Variants in FAM227B observed in about 807,000 individuals in gnomAD.
FAM227B encodes the protein family with sequence similarity 227 member B, also known as protein FAM227B.
FAM227B carries 88 observed loss-of-function variants against 73.8 expected under a neutral mutation model. The observed-to-expected ratio is 1.19, with a 90% CI of 1.00 to 1.42. The LOEUF (loss-of-function observed/expected upper bound fraction) is 1.42, where lower values mean the gene tolerates loss of function less well. FAM227B is among the 40% of genes most tolerant of loss of function. The pLI is 0.00. For synonymous variants in FAM227B, 210 were observed against 190.5 expected (o/e 1.10, Z -0.84); for missense variants, 632 against 590.9 (o/e 1.07, Z -0.72).
chr15:49,508,373 G>C (rs2058731331), intron 10 of FAM227B, 25 bp from the exon 11 acceptor site: 2 of 1,525,506 alleles, frequency 1.3e-6, no homozygotes, highest in Non-Finnish European at 1.8e-6. Flanking sequence ...TACATATTTA[G>C]CCAAATAAAT....
intron 14 of FAM227B, 109 bp downstream of exon 14, chr15:49,335,310 A>T (rs2039516088): frequency 1.5e-6 from 1 of 684,378 alleles, no homozygotes; most frequent in Non-Finnish European, 2.5e-6. Flanking sequence ...AGATGCTCAG[A>T]CATGACTCTC....
At chr15:49,462,164 G>A (rs576481457) in intron 11 of FAM227B, among the ~76,000 whole-genome samples, 2 of 152,268 alleles carry the variant, frequency 1.3e-5, no homozygotes, top group South Asian at 4.1e-4. Context: ...ATGGTGAAAG[G>A]AGAAATGTGT....
At chr15:49,534,409 T>C (rs1232084322) in intron 10 of FAM227B, among the ~76,000 whole-genome samples, 1 of 151,856 alleles carries the variant, frequency 6.6e-6, no homozygotes, top group Non-Finnish European at 1.5e-5. Flanking sequence ...AATGGATCAA[T>C]TTATCAAGAG....
At chr15:49,552,511 T>A (rs1451282882) in intron 9 of FAM227B, among the ~76,000 whole-genome samples, 1 of 152,202 alleles carries the variant, frequency 6.6e-6, no homozygotes, top group Non-Finnish European at 1.5e-5. Flanking sequence ...TACTTGGATA[T>A]TGGTATTTTT....
intron 10 of FAM227B, among the ~76,000 whole-genome samples, chr15:49,525,703 T>TATAG (rs1169214821): frequency 1.4e-4 from 17 of 121,990 alleles, no homozygotes; most frequent in Admixed American, 2.5e-4. Flanking sequence ...TATATATATA[T>TATAG]ATATATATAT....
intron 3 of FAM227B, among the ~76,000 whole-genome samples, chr15:49,601,335 C>T (rs1256632036): frequency 6.6e-6 from 1 of 151,738 alleles, no homozygotes; most frequent in East Asian, 1.9e-4. Flanking sequence ...CATAAAACAT[C>T]TTACAGTTAT....
At chr15:49,365,895 A>T (rs779331245) in intron 13 of FAM227B, 138 of 958,646 alleles carry the variant, frequency 1.4e-4, no homozygotes, top group Non-Finnish European at 2.2e-4. Context: ...GTGCAGCAAG[A>T]GAGTTGTACA....
intron 13 of FAM227B, among the ~76,000 whole-genome samples, chr15:49,336,369 G>A (rs952543579): frequency 6.6e-6 from 1 of 152,162 alleles, no homozygotes; most frequent in Non-Finnish European, 1.5e-5. Flanking sequence ...TCCCTTTGAA[G>A]TGGCAATTGG....
chr15:49,547,959 C>T (rs2072194139), intron 9 of FAM227B, among the ~76,000 whole-genome samples: 1 of 152,022 alleles, frequency 6.6e-6, no homozygotes, highest in Non-Finnish European at 1.5e-5. Context: ...TAAATTATGC[C>T]CTAGAACAAA....
intron 11 of FAM227B, among the ~76,000 whole-genome samples, chr15:49,496,522 T>G (rs1431693666): frequency 6.6e-6 from 1 of 152,212 alleles, no homozygotes; most frequent in Non-Finnish European, 1.5e-5. Context: ...AGCTGGCTTA[T>G]AAATCATGAG....
intron 10 of FAM227B, among the ~76,000 whole-genome samples, chr15:49,530,311 T>C (rs1173612498): frequency 4.0e-5 from 6 of 151,724 alleles, no homozygotes; most frequent in Non-Finnish European, 8.9e-5. Flanking sequence ...TTTCAAAGCA[T>C]ACTTCACAGC....
intron 9 of FAM227B, among the ~76,000 whole-genome samples, chr15:49,562,226 C>A (rs772703214): frequency 2.0e-5 from 3 of 152,008 alleles, no homozygotes; most frequent in African/African-American, 4.8e-5. Context: ...AACAACACTA[C>A]ACACACAAGT....
intron 13 of FAM227B, among the ~76,000 whole-genome samples, chr15:49,352,705 T>G (rs1228668905): frequency 1.3e-5 from 2 of 152,150 alleles, no homozygotes; most frequent in African/African-American, 2.4e-5. Context: ...GTGAACAAAT[T>G]AAAATAGCTT....
intron 11 of FAM227B, among the ~76,000 whole-genome samples, chr15:49,481,295 T>C (rs2055921601): frequency 6.6e-6 from 1 of 152,236 alleles, no homozygotes; most frequent in African/African-American, 2.4e-5. Context: ...TTATTCCATT[T>C]TGGAGGTATT....
At chr15:49,576,366 A>C (rs2075440330) in intron 7 of FAM227B, 1 of 159,768 alleles carries the variant, frequency 6.3e-6, no homozygotes, top group South Asian at 1.8e-4. Context: ...AGACACTTGA[A>C]GACTCAAAAG....
At chr15:49,428,579 G>C (rs913605734) in intron 11 of FAM227B, among the ~76,000 whole-genome samples, 2 of 151,952 alleles carry the variant, frequency 1.3e-5, no homozygotes, top group African/African-American at 4.8e-5. Flanking sequence ...TCTTTAAGCT[G>C]AGTATTGAGG....
intron 10 of FAM227B, among the ~76,000 whole-genome samples, chr15:49,524,761 C>G (rs911709000): frequency 6.6e-6 from 1 of 152,218 alleles, no homozygotes; most frequent in Non-Finnish European, 1.5e-5. Flanking sequence ...GGAAGTCCAC[C>G]TCTTGCATCA....
At chr15:49,481,913 G>A (rs1274892236) in intron 11 of FAM227B, among the ~76,000 whole-genome samples, 1 of 152,152 alleles carries the variant, frequency 6.6e-6, no homozygotes, top group East Asian at 1.9e-4. Flanking sequence ...ACAAATATTA[G>A]CTGGGCTACA....
chr15:49,528,596 C>T (rs1260128824), intron 10 of FAM227B, among the ~76,000 whole-genome samples: 1 of 151,428 alleles, frequency 6.6e-6, no homozygotes, highest in African/African-American at 2.4e-5. Context: ...CAAATTGTGC[C>T]TCTGACAAAG....
Sources: allele counts gnomAD v4.1 joint callset (sites outside exome capture counted in the v4.1 genomes callset), GRCh38; gene constraint gnomAD v4.1.1; transcripts MANE v1.5; gene names NCBI Gene and HGNC (gene_info 2026-07-23, HGNC 2026-07-21).